Variants in NFATC3 observed in about 807,000 individuals in gnomAD.
NFATC3 encodes the protein nuclear factor of activated T cells 3, also known as nuclear factor of activated T-cells, cytoplasmic 3.
Under a neutral mutation model 98.6 loss-of-function variants are expected in NFATC3, and 46 were observed. That is an observed-to-expected ratio of 0.47 (90% confidence interval 0.37 to 0.60). The LOEUF (loss-of-function observed/expected upper bound fraction) is 0.60, where lower values mean the gene tolerates loss of function less well. Ranked by LOEUF, NFATC3 falls within the 20% of genes least tolerant of loss-of-function variation. The pLI is 0.00. For missense variants in NFATC3, 1,256 were observed against 1,295.5 expected (o/e 0.97, Z 0.47); for synonymous variants, 512 against 472.2 (o/e 1.08, Z -1.09).
intron 9 of NFATC3, among the ~76,000 whole-genome samples, chr16:68,192,993 G>A (rs897956336): frequency 1.3e-5 from 2 of 152,160 alleles, no homozygotes; most frequent in African/African-American, 4.8e-5. Context: ...GTATGCATGG[G>A]TTCCACACCT....
intron 9 of NFATC3, among the ~76,000 whole-genome samples, chr16:68,196,936 A>G (rs892357721): frequency 7.9e-5 from 12 of 151,880 alleles, no homozygotes; most frequent in Admixed American, 7.9e-4. Context: ...AGGCTGAGGC[A>G]GGAGAGTCGC....
intron 4 of NFATC3, among the ~76,000 whole-genome samples, chr16:68,165,314 A>G (rs2039135069): frequency 6.6e-6 from 1 of 151,304 alleles, no homozygotes; most frequent in Admixed American, 6.6e-5. Context: ...CTTTCTTAAG[A>G]TGAAAAATTT....
chr16:68,108,813 A>G (rs1170326653), intron 1 of NFATC3, among the ~76,000 whole-genome samples: 2 of 151,978 alleles, frequency 1.3e-5, no homozygotes, highest in Non-Finnish European at 2.9e-5. Context: ...CTGTGTTCCT[A>G]GGTATTTTAT....
chr16:68,142,532 A>G (rs999509547), intron 3 of NFATC3, among the ~76,000 whole-genome samples: 17 of 152,168 alleles, frequency 1.1e-4, no homozygotes, highest in African/African-American at 4.1e-4. Context: ...AGGTGGGTGG[A>G]TCACTTGAGG....
chr16:68,181,401 A>G (rs932623724), intron 6 of NFATC3, 74 bp from the exon 7 acceptor site: 7 of 992,780 alleles, frequency 7.1e-6, no homozygotes, highest in African/African-American at 4.8e-5. Context: ...TTGTGATACT[A>G]TCCATGCATT....
Position 68,190,989 on chromosome 16 carries a change from G to A in NFATC3, c.2320G>A (p.Val774Ile). ...ACAGTTGCAGTGTAGAGATGAGAGT[G>A]TTAGTAAAGAACAGCATATGATTCC... ...LPQLQCRDES[V>I]SKEQHMIPSP... The change falls in exon 9 of 10, where the codon GTT (valine) becomes ATT (isoleucine). Residue 774 changes from valine (V) to isoleucine (I), a missense_variant. Physicochemically the swap from Val to Ile is conservative, Grantham distance 29. This residue lies in a region of NFATC3 where 636 missense variants were observed against 617.3 expected (regional missense o/e 1.03). Coordinates refer to ENST00000346183, the MANE Select transcript of NFATC3 (RefSeq NM_173165.3). 1 of 1,614,188 alleles carries A rather than the reference G, an allele frequency of 6.2e-7. No individual in the cohort carries two copies. Among genetic ancestry groups the A allele is most frequent in the Middle Eastern group, 1.6e-4 (1 of 6,062 alleles).
At chr16:68,114,146 C>T (rs576662035) in intron 1 of NFATC3, among the ~76,000 whole-genome samples, 12 of 152,300 alleles carry the variant, frequency 7.9e-5, no homozygotes, top group Middle Eastern at 3.4e-3. Flanking sequence ...TGGTTTCCCG[C>T]GCAGGGTAGC....
chr16:68,228,220 C>CT lies in NFATC3; in HGVS notation c.*1751dup, dbSNP rs1423213177. The CT allele has an allele frequency of 1.3e-5, 2 of 152,216 alleles. No homozygotes were observed. The highest frequency in any genetic ancestry group is 4.8e-5 in the African/African-American group (2 of 41,446). 9.4% of individuals were successfully genotyped at this position (152,216 alleles called of 1,614,324 possible). On this transcript the variant is annotated 3_prime_UTR_variant, in exon 10 of 10. Transcript: ENST00000346183. ...TCTTCAGCAGATCACTGTGGCCCCT[C>CT]TTGGAGCTGGGTGTTTTCAAATTTT...
Position 68,085,909 on chromosome 16 carries a change from T to A in NFATC3, c.103+125T>A, listed in dbSNP as rs755611873. 5.3e-5 allele frequency: 35 copies of A among 666,552 alleles called. 1 individual carries two copies. In the South Asian group the frequency reaches 8.4e-4, roughly 16 times the overall value. The allele number at this position is 666,552 out of a possible 1,614,324, so 41.3% of individuals were successfully genotyped here. On this transcript the variant is annotated intron_variant, in intron 1 of 9. Transcript: ENST00000346183. ...CCCTGTGTGTGTGTGTGCGCGCGCGTGTGTGTGGTGAGTTAAAAACGGATT... is the reference window on the plus strand; with the variant it reads ...CCCTGTGTGTGTGTGTGCGCGCGCGAGTGTGTGGTGAGTTAAAAACGGATT...
At chr16:68,179,538 A>G (rs1293046745) in intron 6 of NFATC3, among the ~76,000 whole-genome samples, 4 of 152,268 alleles carry the variant, frequency 2.6e-5, no homozygotes, top group African/African-American at 9.6e-5. Context: ...GAAATATTTC[A>G]TGATAACTTC....
At chr16:68,204,411 T>C (rs2041055640) in intron 9 of NFATC3, among the ~76,000 whole-genome samples, 1 of 152,176 alleles carries the variant, frequency 6.6e-6, no homozygotes, top group Non-Finnish European at 1.5e-5. Flanking sequence ...CTTGATAAAC[T>C]CATATTTTTT....
At chr16:68,155,542 G>A (rs1162043828) in intron 3 of NFATC3, among the ~76,000 whole-genome samples, 3 of 152,194 alleles carry the variant, frequency 2.0e-5, no homozygotes, top group Non-Finnish European at 4.4e-5. Context: ...TCTTCCAACA[G>A]TTTCAAGGAC....
intron 3 of NFATC3, among the ~76,000 whole-genome samples, chr16:68,157,639 A>G (rs1482610507): frequency 6.6e-6 from 1 of 152,230 alleles, no homozygotes; most frequent in African/African-American, 2.4e-5. Flanking sequence ...TCTTAAAAAA[A>G]CAAAACCAAA....
At chr16:68,091,750 C>T (rs762467338) in intron 1 of NFATC3, among the ~76,000 whole-genome samples, 1 of 152,168 alleles carries the variant, frequency 6.6e-6, no homozygotes, top group Admixed American at 6.5e-5. Context: ...ACAGCAGTAA[C>T]ATAAATAAGG....
chr16:68,228,930 G>A lies in NFATC3; in HGVS notation c.*2459G>A, dbSNP rs922186016. The A allele has an allele frequency of 1.3e-5, 2 of 152,228 alleles. No individual in the cohort carries two copies. Among genetic ancestry groups the A allele is most frequent in the Non-Finnish European group, 2.9e-5 (2 of 68,048 alleles). The allele number at this position is 152,228 out of a possible 1,614,324, so 9.4% of individuals were successfully genotyped here. A position where few individuals can be genotyped will look rare whatever the true frequency, so the allele number is the denominator to read the frequency against. On this transcript the variant is annotated 3_prime_UTR_variant, in exon 10 of 10. Transcript: ENST00000346183. ...TCATGTGTGGTGCTGCTGCCCGGGT[G>A]TAAACTATCCCCACCCAGGGCCAGC...
At chr16:68,119,391 A>G (rs1263939162) in intron 1 of NFATC3, among the ~76,000 whole-genome samples, 2 of 152,114 alleles carry the variant, frequency 1.3e-5, no homozygotes, top group Non-Finnish European at 2.9e-5. Context: ...GTTCATATAT[A>G]TCAAATGATG....
At chr16:68,156,242 G>C (rs2038607563) in intron 3 of NFATC3, among the ~76,000 whole-genome samples, 1 of 152,164 alleles carries the variant, frequency 6.6e-6, no homozygotes, top group Non-Finnish European at 1.5e-5. Context: ...TTGACCCTGG[G>C]GGGCAGAGGT....
chr16:68,135,434 G>T (rs1320705407), intron 3 of NFATC3, among the ~76,000 whole-genome samples: 1 of 140,002 alleles, frequency 7.1e-6, no homozygotes, highest in Admixed American at 7.4e-5. Context: ...CTCCAACCTG[G>T]GGGACACAGC....
intron 3 of NFATC3, among the ~76,000 whole-genome samples, chr16:68,143,830 C>G (rs1378316172): frequency 6.6e-6 from 1 of 152,078 alleles, no homozygotes; most frequent in Admixed American, 6.6e-5. Context: ...CCATCCTGGG[C>G]AACAGAGCGA....
Sources: allele counts gnomAD v4.1 joint callset (sites outside exome capture counted in the v4.1 genomes callset), GRCh38; gene constraint gnomAD v4.1.1; regional missense constraint gnomAD v4.1.1; transcripts MANE v1.5; gene names NCBI Gene and HGNC (gene_info 2026-07-23, HGNC 2026-07-21).